ZNF334: variants seen among roughly 807,000 people sequenced by gnomAD.
ZNF334 encodes the protein zinc finger protein 334.
A neutral mutation model predicts 12.4 loss-of-function variants in ZNF334; 14 were observed. The observed-to-expected ratio is 1.13, with a 90% CI of 0.74 to 1.76. ZNF334 has a LOEUF of 1.76. ZNF334 is among the 40% of genes most tolerant of loss of function. The pLI, the probability that ZNF334 is intolerant of heterozygous loss-of-function variation, is 0.00. For missense variants in ZNF334, 797 were observed against 804.5 expected (o/e 0.99, Z 0.11); for synonymous variants, 273 against 269.6 (o/e 1.01, Z -0.12).
chr20:46,501,844 T>C lies in ZNF334; in HGVS notation c.1495A>G (p.Ile499Val). 1 of 1,613,826 alleles carries C rather than the reference T, an allele frequency of 6.2e-7. No individual in the cohort carries two copies. Among genetic ancestry groups the C allele is most frequent in the South Asian group, 1.1e-5 (1 of 91,070 alleles). The change falls in exon 5 of 5, where the codon ATT becomes GTT. Residue 499 changes from isoleucine (I) to valine (V), a missense_variant. Coordinates refer to ENST00000692313, the MANE Select transcript of ZNF334 (RefSeq NM_001353824.2). Reference sequence around the variant, plus strand: ...CACTGACTGCAGTTTGACTTCACAATGGAGATTCTACCACATTTATTAAAC... The same window carrying C: ...CACTGACTGCAGTTTGACTTCACAACGGAGATTCTACCACATTTATTAAAC... ...GVFNKCGRIS[I>V]VKSNCSQCKR...
rs2061715151 is a variant in ZNF334 at position 46,513,230 on chromosome 20, C to T, written c.-729G>A. On this transcript the variant is annotated 5_prime_UTR_variant, in exon 1 of 5. It adds an upstream start codon to the 5' untranslated region. Transcript: ENST00000692313. ...TGGATGCGTAAACCTTTCACCTTCA[C>T]CAAGCGCCTTCTTCGGGCAAATCAG... The T allele has an allele frequency of 6.6e-6, 1 of 152,262 alleles. No homozygotes were observed. The highest frequency in any genetic ancestry group is 6.5e-5 in the Admixed American group (1 of 15,288). The allele number at this position is 152,262 out of a possible 1,614,324, so 9.4% of individuals were successfully genotyped here.
chr20:46,488,292 A>C, the ZNF334 span, among the ~76,000 whole-genome samples: 1 of 148,768 alleles, frequency 6.7e-6, no homozygotes, highest in Non-Finnish European at 1.5e-5. Flanking sequence ...TATTAGCTGT[A>C]ACTCTATTTT....
the ZNF334 span, among the ~76,000 whole-genome samples, chr20:46,487,397 C>T: frequency 6.6e-6 from 1 of 152,226 alleles, no homozygotes; most frequent in African/African-American, 2.4e-5. Context: ...CAGTACTATA[C>T]ATCTATAGAA....
At chr20:46,508,403 TA>T (rs1831748626) in intron 2 of ZNF334, among the ~76,000 whole-genome samples, 1 of 152,194 alleles carries the variant, frequency 6.6e-6, no homozygotes, top group East Asian at 1.9e-4. Context: ...TGTAAACACA[TA>T]GTCTGTGGAC....
the ZNF334 span, among the ~76,000 whole-genome samples, chr20:46,494,138 T>C: frequency 1.4e-4 from 22 of 152,248 alleles, no homozygotes; most frequent in Non-Finnish European, 2.9e-4. Context: ...AGCTTTCTAG[T>C]ATATGCTAAC....
At chr20:46,464,100 G>A in the ZNF334 span, 1 of 601,740 alleles carries the variant, frequency 1.7e-6, no homozygotes, top group Admixed American at 1.9e-5. Flanking sequence ...TCCTTCACTG[G>A]GCCCAGTATC....
the ZNF334 span, among the ~76,000 whole-genome samples, chr20:46,479,036 C>A: frequency 6.6e-6 from 1 of 152,160 alleles, no homozygotes; most frequent in African/African-American, 2.4e-5. Context: ...TTATTTATTG[C>A]TGCTGGAACA....
chr20:46,510,484 G>C (rs1648618811), intron 2 of ZNF334, among the ~76,000 whole-genome samples: 1 of 152,198 alleles, frequency 6.6e-6, no homozygotes, highest in African/African-American at 2.4e-5. Flanking sequence ...CCAGCACTTA[G>C]TGAGGCCGAG....
chr20:46,493,902 C>T, the ZNF334 span, among the ~76,000 whole-genome samples: 1 of 152,128 alleles, frequency 6.6e-6, no homozygotes, highest in African/African-American at 2.4e-5. Context: ...TGCACTCCAG[C>T]CTGGGTGACA....
In ZNF334 at chr20:46,501,788, A is replaced by G; in HGVS notation, c.1551T>C (p.Tyr517=). ...CGGCATGCCCATGTTCACTACACTCATAAAGATTCTCCTTTGTGTTCATTC... is the reference window on the plus strand; with the variant it reads ...CGGCATGCCCATGTTCACTACACTCGTAAAGATTCTCCTTTGTGTTCATTC... The part of the protein sequence containing the change: ...CKRMNTKENL[Y]ECSEHGHAVS... Residue 517 remains tyrosine, a synonymous_variant, in exon 5 of 5, where the codon TAT becomes TAC. Transcript: ENST00000692313. 6.2e-7 allele frequency: 1 copy of G among 1,614,200 alleles called. No homozygotes were observed. Among genetic ancestry groups the G allele is most frequent in the South Asian group, 1.1e-5 (1 of 91,088 alleles).
chr20:46,479,924 A>G, the ZNF334 span, among the ~76,000 whole-genome samples: 1 of 152,196 alleles, frequency 6.6e-6, no homozygotes, highest in African/African-American at 2.4e-5. Flanking sequence ...ACAATTGCCA[A>G]TCAGATAATT....
At chr20:46,498,990 C>T (rs916675791), downstream of ZNF334, among the ~76,000 whole-genome samples, 3 of 151,428 alleles carry the variant, frequency 2.0e-5, no homozygotes, top group South Asian at 2.1e-4. Flanking sequence ...CCGGCTAAAA[C>T]GGTGAAACCC....
the ZNF334 span, chr20:46,476,210 T>C: frequency 6.6e-6 from 1 of 152,230 alleles, no homozygotes; most frequent in South Asian, 2.1e-4. Flanking sequence ...ATTTTAGAAA[T>C]GGAGAAGAGA....
chr20:46,471,189 G>C, the ZNF334 span, among the ~76,000 whole-genome samples: 1 of 152,066 alleles, frequency 6.6e-6, no homozygotes, highest in Admixed American at 6.6e-5. Context: ...TGTCATTTTG[G>C]GATTCGATTT....
At chr20:46,464,490 T>C in the ZNF334 span, 1 of 511,042 alleles carries the variant, frequency 2.0e-6, no homozygotes, top group South Asian at 1.5e-5. Flanking sequence ...CCACACATCG[T>C]ATCCTTGCTG....
downstream of ZNF334, among the ~76,000 whole-genome samples, chr20:46,496,257 T>A (rs754318109): frequency 1.7e-4 from 26 of 152,322 alleles, no homozygotes; most frequent in Non-Finnish European, 3.2e-4. Context: ...TCCTAAGGCA[T>A]GCTGTAACAG....
downstream of ZNF334, among the ~76,000 whole-genome samples, chr20:46,499,160 C>T (rs942355041): frequency 8.2e-5 from 9 of 110,188 alleles, no homozygotes; most frequent in East Asian, 3.0e-4. Context: ...GGCGACAGAG[C>T]GAGACTCCGT....
chr20:46,463,276 AAC>A, the ZNF334 span, among the ~76,000 whole-genome samples: 3 of 152,086 alleles, frequency 2.0e-5, no homozygotes, highest in African/African-American at 7.2e-5. Context: ...CAACAAACAA[AAC>A]ACACAGTAGA....
At chr20:46,475,163 GA>G in the ZNF334 span, among the ~76,000 whole-genome samples, 18 of 152,224 alleles carry the variant, frequency 1.2e-4, no homozygotes, top group Admixed American at 2.0e-4. Context: ...ACTATTCTAT[GA>G]AAAATATAAA....
Sources: allele counts gnomAD v4.1 joint callset (sites outside exome capture counted in the v4.1 genomes callset), GRCh38; gene constraint gnomAD v4.1.1; transcripts MANE v1.5; gene names NCBI Gene and HGNC (gene_info 2026-07-23, HGNC 2026-07-21).